Variants in SPAG16 observed in about 807,000 individuals in gnomAD.
SPAG16 encodes the protein sperm associated antigen 16.
SPAG16 carries 86 observed loss-of-function variants against 80.4 expected under a neutral mutation model. The ratio of observed to expected loss-of-function variants is 1.07; its 90% CI spans 0.90 to 1.28. The LOEUF is 1.28. SPAG16 is among the 50% of genes most tolerant of loss of function. The probability of loss-of-function intolerance (pLI) is 0.00; values close to 1 mark genes in which losing one functional copy is unlikely to be tolerated. For missense variants in SPAG16, 870 were observed against 765.3 expected, an observed-to-expected ratio of 1.14 and a Z score of -1.61; for synonymous variants, 294 against 265.9, an observed-to-expected ratio of 1.11 and a Z score of -1.03.
At chr2:213,510,499 C>A (rs1221742573) in intron 10 of SPAG16, among the ~76,000 whole-genome samples, 1 of 151,918 alleles carries the variant, frequency 6.6e-6, no homozygotes, top group African/African-American at 2.4e-5. Context: ...CTTTAATGTC[C>A]TTGCAAGATA....
intron 11 of SPAG16, among the ~76,000 whole-genome samples, chr2:213,869,897 G>A (rs758520234): frequency 3.3e-5 from 5 of 152,114 alleles, no homozygotes; most frequent in Non-Finnish European, 5.9e-5. Context: ...AATTTGGAAT[G>A]GAGAGGATCT....
chr2:213,812,157 T>C lies in SPAG16; in HGVS notation c.1071-50328T>C, dbSNP rs79871850. On this transcript the variant is annotated intron_variant, in intron 10 of 15. Coordinates refer to ENST00000331683, the MANE Select transcript of SPAG16 (RefSeq NM_024532.5). ...CTTACAGAAAACTGTTAGGACAAAGTAGAATCACAGAATGAGAGGAACTTA... is the reference window on the plus strand; with the variant it reads ...CTTACAGAAAACTGTTAGGACAAAGCAGAATCACAGAATGAGAGGAACTTA... Among the ~76,000 whole-genome samples the C allele has an allele frequency of 8.7e-3, 1,326 of 152,016 alleles. 24 individuals are homozygous for C. The highest frequency in any genetic ancestry group is 0.029 in the African/African-American group (1,201 of 41,436).
At chr2:213,803,803 T>C (rs1302391545) in intron 10 of SPAG16, among the ~76,000 whole-genome samples, 1 of 152,172 alleles carries the variant, frequency 6.6e-6, no homozygotes, top group East Asian at 1.9e-4. Flanking sequence ...GGTGGTGCCA[T>C]CCTAGCTCAC....
intron 15 of SPAG16, among the ~76,000 whole-genome samples, chr2:214,286,604 GGGTGT>G (rs1195390594): frequency 1.3e-5 from 2 of 152,052 alleles, no homozygotes; most frequent in Non-Finnish European, 2.9e-5. Context: ...AACATTAGCT[GGGTGT>G]GGTGGTGCAC....
intron 15 of SPAG16, among the ~76,000 whole-genome samples, chr2:214,248,462 C>T (rs1482207754): frequency 6.6e-6 from 1 of 151,746 alleles, no homozygotes; most frequent in Non-Finnish European, 1.5e-5. Flanking sequence ...GGACTGCAGG[C>T]GTGTGACACC....
At chr2:213,617,444 C>T (rs111789706) in intron 10 of SPAG16, among the ~76,000 whole-genome samples, 9,070 of 152,132 alleles carry the variant, frequency 0.06, 888 homozygotes, top group African/African-American at 0.2. Flanking sequence ...TGGGTTAAAG[C>T]GATTTTTCTG....
intron 15 of SPAG16, among the ~76,000 whole-genome samples, chr2:214,175,209 A>G (rs1373908889): frequency 7.6e-6 from 1 of 130,772 alleles, no homozygotes; most frequent in Non-Finnish European, 1.7e-5. Flanking sequence ...ATATATATAT[A>G]TAAAGAAATG....
chr2:214,338,453 G>A (rs1054680194), intron 15 of SPAG16, among the ~76,000 whole-genome samples: 2 of 152,008 alleles, frequency 1.3e-5, no homozygotes, highest in South Asian at 4.1e-4. Context: ...GTTCACCCTG[G>A]AGATCATGCC....
At chr2:213,415,510 T>A (rs770550891) in intron 9 of SPAG16, among the ~76,000 whole-genome samples, 1 of 152,130 alleles carries the variant, frequency 6.6e-6, no homozygotes, top group Non-Finnish European at 1.5e-5. Context: ...GGGTGAGAGA[T>A]GGGCACAGGT....
intron 12 of SPAG16, among the ~76,000 whole-genome samples, chr2:213,981,191 A>C (rs990290295): frequency 1.3e-5 from 2 of 152,124 alleles, no homozygotes; most frequent in Non-Finnish European, 2.9e-5. Context: ...TGCTGCTATA[A>C]GAATACAAAT....
chr2:213,973,957 A>G (rs1163159793), intron 12 of SPAG16, among the ~76,000 whole-genome samples: 5 of 152,164 alleles, frequency 3.3e-5, no homozygotes, highest in Non-Finnish European at 7.4e-5. Flanking sequence ...GCATATACAT[A>G]TCTATTACAG....
At chr2:214,144,556 A>G (rs1576340571) in intron 14 of SPAG16, among the ~76,000 whole-genome samples, 1 of 152,244 alleles carries the variant, frequency 6.6e-6, no homozygotes, top group Non-Finnish European at 1.5e-5. Context: ...AAACAAAACA[A>G]AGTTCCTTCA....
chr2:214,331,469 C>T (rs1409390982), intron 15 of SPAG16, among the ~76,000 whole-genome samples: 1 of 152,160 alleles, frequency 6.6e-6, no homozygotes, highest in Non-Finnish European at 1.5e-5. Context: ...AGAATACATC[C>T]ACATTACTTA....
chr2:213,677,790 T>G (rs1299603043), intron 10 of SPAG16, among the ~76,000 whole-genome samples: 1 of 152,076 alleles, frequency 6.6e-6, no homozygotes, highest in Non-Finnish European at 1.5e-5. Context: ...TATAGAAGTC[T>G]CCACCCCAAA....
Position 213,851,832 on chromosome 2 carries a change from G to A in SPAG16, c.1071-10653G>A, listed in dbSNP as rs529790554. ...TAAGTCCACAAACTGTGAAAAAACT[G>A]TAAGAATGCTCCACTCTAGTAAAAA... is the stretch of plus-strand genomic sequence containing the variant. On this transcript the variant is annotated intron_variant, in intron 10 of 15. Transcript: ENST00000331683. 9.9e-5 allele frequency among the ~76,000 whole-genome samples: 15 copies of A among 152,272 alleles called. No individual in the cohort carries two copies. The Middle Eastern group carries it at 0.014, about 138-fold the overall frequency.
At chr2:213,532,902 AAAGGTTAATCCTATGTTTT>A (rs2076120462) in intron 10 of SPAG16, among the ~76,000 whole-genome samples, 1 of 152,214 alleles carries the variant, frequency 6.6e-6, no homozygotes, top group South Asian at 2.1e-4. Flanking sequence ...TTAGCTATTT[AAAGGTTAATCCTATGTTTT>A]AACAATATTA....
intron 10 of SPAG16, among the ~76,000 whole-genome samples, chr2:213,644,268 T>G (rs2062736301): frequency 6.6e-6 from 1 of 152,148 alleles, no homozygotes; most frequent in African/African-American, 2.4e-5. Flanking sequence ...CTTGAATTTC[T>G]TTGTGTTTCT....
rs1553677667 is a variant in SPAG16 at position 213,949,179 on chromosome 2, T to TTTTTTTTTTGTTTTTTTGTTTTTTTG, written c.1400+19043_1400+19044insGTTTTTTTGTTTTTTTGTTTTTTTTT. On this transcript the variant is annotated intron_variant, in intron 12 of 15. Coordinates refer to ENST00000331683, the MANE Select transcript of SPAG16 (RefSeq NM_024532.5). ...TACTTAATTACAACAGTTTTTTTTTTTTTTTTTTTTTTTTGAGGTAGAGTC... is the reference window on the plus strand; with the variant it reads ...TACTTAATTACAACAGTTTTTTTTTTTTTTTTTTTGTTTTTTTGTTTTTTTGTTTTTTTTTTTTTTGAGGTAGAGTC... Among the ~76,000 whole-genome samples the TTTTTTTTTTGTTTTTTTGTTTTTTTG allele has an allele frequency of 8.3e-3, 301 of 36,230 alleles. 6 individuals carry two copies. The highest frequency in any genetic ancestry group is 0.023 in the African/African-American group (286 of 12,242). The allele number at this position is 36,230 out of a possible 152,430, so 23.8% of individuals were successfully genotyped here.
rs181766019 is a variant in SPAG16 at position 213,878,235 on chromosome 2, A to G, written c.1214+15607A>G. Among the ~76,000 whole-genome samples the G allele has an allele frequency of 9.6e-3, 1,430 of 148,532 alleles. 29 individuals are homozygous for G. The highest frequency in any genetic ancestry group is 0.033 in the African/African-American group (1,360 of 41,312). On this transcript the variant is annotated intron_variant, in intron 11 of 15. Transcript: ENST00000331683. ...CGGATTGAATGGCAGTTCTATTTTT[A>G]GTTCTCTGAGAAATCATCATATTGT... is the stretch of plus-strand genomic sequence containing the variant.
Sources: allele counts gnomAD v4.1 joint callset (sites outside exome capture counted in the v4.1 genomes callset), GRCh38; gene constraint gnomAD v4.1.1; transcripts MANE v1.5; gene names NCBI Gene and HGNC (gene_info 2026-07-23, HGNC 2026-07-21).